MARCHF1: variants seen among roughly 807,000 people sequenced by gnomAD.
MARCHF1 encodes the protein membrane associated ring-CH-type finger 1.
In MARCHF1, 40 loss-of-function variants were observed where a neutral mutation model predicts 54.2. That is an observed-to-expected ratio of 0.74 (90% CI 0.57 to 0.96). The LOEUF (loss-of-function observed/expected upper bound fraction) is 0.96, where lower values mean the gene tolerates loss of function less well. Among genes scored for constraint, MARCHF1 ranks in the 40% least tolerant of loss-of-function variants. The pLI is 0.00. For missense variants in MARCHF1, 586 were observed against 656.5 expected (o/e 0.89, Z 1.17); for synonymous variants, 236 against 236.3 (o/e 1.00, Z 0.01).
intron 1 of MARCHF1, among the ~76,000 whole-genome samples, chr4:164,209,520 T>C (rs1050281947): frequency 3.9e-5 from 6 of 152,286 alleles, no homozygotes; most frequent in African/African-American, 1.2e-4. Flanking sequence ...AACTATAAGG[T>C]TCCATATGAC....
chr4:163,906,705 T>C (rs959993863), intron 3 of MARCHF1, among the ~76,000 whole-genome samples: 17 of 151,338 alleles, frequency 1.1e-4, no homozygotes, highest in African/African-American at 4.1e-4. Flanking sequence ...CAAAGTCCTA[T>C]GAAAGTCTTA....
intron 3 of MARCHF1, among the ~76,000 whole-genome samples, chr4:163,947,579 T>C (rs988413874): frequency 2.6e-5 from 4 of 152,166 alleles, no homozygotes; most frequent in Admixed American, 2.0e-4. Flanking sequence ...AGCCAAGAAA[T>C]GAACACAGCC....
intron 1 of MARCHF1, among the ~76,000 whole-genome samples, chr4:164,305,579 T>C (rs1283202846): frequency 6.6e-6 from 1 of 152,182 alleles, no homozygotes; most frequent in Non-Finnish European, 1.5e-5. Flanking sequence ...CTTCAAAGAT[T>C]GGTAAATTGG....
At position 163,963,859 on chromosome 4, in the gene MARCHF1, A is replaced by T. The variant is rs567909450; in HGVS notation, c.-39+24642T>A. Among the ~76,000 whole-genome samples, 3 of 152,084 alleles carry T rather than the reference A, an allele frequency of 2.0e-5. No individual in the cohort carries two copies. The East Asian group carries it at 5.8e-4, about 29-fold the overall frequency. On this transcript the variant is annotated intron_variant, in intron 3 of 9. Transcript: ENST00000514618. The stretch of plus-strand genomic sequence containing the variant: ...AAAGAAAGTGAGTGAAGAAACAGTC[A>T]TGGACATCCAGCCTAGTCCAACTTT...
At position 163,943,298 on chromosome 4, in the gene MARCHF1, T is replaced by C. The variant is rs528171298; in HGVS notation, c.-39+45203A>G. ...CCAGAATAGTACAGCCTAGGTTGTC[T>C]TCCAGGGATTTTGTAGTTTTGTGTT... On this transcript the variant is annotated intron_variant, in intron 3 of 9. Transcript: ENST00000514618. Among the ~76,000 whole-genome samples the C allele has an allele frequency of 4.8e-4, 73 of 152,334 alleles. 3 individuals are homozygous for C. The South Asian group carries it at 0.015, about 32-fold the overall frequency.
At chr4:163,791,496 C>T (rs1476140732) in intron 4 of MARCHF1, among the ~76,000 whole-genome samples, 1 of 151,984 alleles carries the variant, frequency 6.6e-6, no homozygotes, top group Non-Finnish European at 1.5e-5. Context: ...CAATCAAAAA[C>T]AAAATTTTTT....
At chr4:164,099,839 T>A (rs1755500361) in intron 2 of MARCHF1, among the ~76,000 whole-genome samples, 1 of 152,170 alleles carries the variant, frequency 6.6e-6, no homozygotes, top group Non-Finnish European at 1.5e-5. Context: ...AATCTAATAC[T>A]TTTTAATTTT....
At chr4:164,047,853 T>A (rs1754275038) in intron 2 of MARCHF1, among the ~76,000 whole-genome samples, 1 of 152,188 alleles carries the variant, frequency 6.6e-6, no homozygotes, top group South Asian at 2.1e-4. Context: ...ATAATTAGTG[T>A]CTGTATTTGT....
intron 3 of MARCHF1, among the ~76,000 whole-genome samples, chr4:163,967,573 C>A (rs1393890247): frequency 2.0e-5 from 3 of 152,148 alleles, no homozygotes; most frequent in African/African-American, 7.2e-5. Context: ...CCCTTTACTT[C>A]TATTAGTACA....
chr4:163,781,708 G>T (rs1345579281), intron 4 of MARCHF1, among the ~76,000 whole-genome samples: 1 of 152,132 alleles, frequency 6.6e-6, no homozygotes, highest in Non-Finnish European at 1.5e-5. Flanking sequence ...TTTTGTAAAG[G>T]TTCAGCATTT....
At chr4:164,120,143 C>T (rs116573660) in intron 1 of MARCHF1, among the ~76,000 whole-genome samples, 1 of 151,896 alleles carries the variant, frequency 6.6e-6, no homozygotes, top group Non-Finnish European at 1.5e-5. Context: ...GGGATAGATA[C>T]AGATATTCTA....
intron 1 of MARCHF1, among the ~76,000 whole-genome samples, chr4:164,283,133 C>A (rs1407176513): frequency 6.6e-6 from 1 of 151,170 alleles, no homozygotes; most frequent in African/African-American, 2.4e-5. Context: ...TACATCCCCA[C>A]CAAATACAAA....
intron 3 of MARCHF1, among the ~76,000 whole-genome samples, chr4:163,884,027 A>C (rs989060395): frequency 6.6e-6 from 1 of 152,148 alleles, no homozygotes; most frequent in African/African-American, 2.4e-5. Context: ...ATAGCTCCTC[A>C]TATGGTGTAA....
At chr4:164,181,627 G>A (rs1235168609) in intron 1 of MARCHF1, among the ~76,000 whole-genome samples, 1 of 152,088 alleles carries the variant, frequency 6.6e-6, no homozygotes, top group African/African-American at 2.4e-5. Flanking sequence ...TCTATAATGA[G>A]CAGTGCTAAA....
At chr4:164,156,283 T>C (rs1297201404) in intron 1 of MARCHF1, among the ~76,000 whole-genome samples, 1 of 152,216 alleles carries the variant, frequency 6.6e-6, no homozygotes, top group Non-Finnish European at 1.5e-5. Context: ...ATATTCATTG[T>C]TCATTTAAAA....
intron 8 of MARCHF1, among the ~76,000 whole-genome samples, chr4:163,567,954 C>G (rs547612013): frequency 6.6e-6 from 1 of 152,200 alleles, no homozygotes; most frequent in Non-Finnish European, 1.5e-5. Context: ...CCCATTATCT[C>G]AAGATAATCA....
intron 4 of MARCHF1, among the ~76,000 whole-genome samples, chr4:163,726,100 T>A (rs1261019342): frequency 6.6e-6 from 1 of 152,192 alleles, no homozygotes; most frequent in Non-Finnish European, 1.5e-5. Context: ...TCCCATTTGT[T>A]ACAATTCATG....
At chr4:164,338,245 G>A (rs1331390420) in intron 1 of MARCHF1, among the ~76,000 whole-genome samples, 1 of 151,906 alleles carries the variant, frequency 6.6e-6, no homozygotes, top group African/African-American at 2.4e-5. Context: ...AATCCTCATG[G>A]AAATTACAAA....
intron 1 of MARCHF1, among the ~76,000 whole-genome samples, chr4:164,249,727 C>T (rs1733069121): frequency 6.7e-6 from 1 of 148,224 alleles, no homozygotes. Flanking sequence ...ATGACCCATG[C>T]AGTTAGATTC....
Sources: gnomAD v4.1 joint callset for allele counts (sites outside exome capture counted in the v4.1 genomes callset) on GRCh38, gnomAD v4.1.1 for gene constraint, MANE v1.5 for transcripts, NCBI Gene and HGNC (gene_info 2026-07-23, HGNC 2026-07-21) for gene names.